Variants in CC2D2B observed in about 807,000 individuals in gnomAD.
CC2D2B encodes the protein coiled-coil and C2 domain containing 2B, also known as protein CC2D2B.
In CC2D2B, 128 loss-of-function variants were observed where a neutral mutation model predicts 161.2. That is an observed-to-expected ratio of 0.79 (90% CI 0.69 to 0.92). CC2D2B has a LOEUF of 0.92. Among genes scored for constraint, CC2D2B ranks in the 40% least tolerant of loss-of-function variants. The probability of loss-of-function intolerance (pLI) is 0.00; values close to 1 mark genes in which losing one functional copy is unlikely to be tolerated. For synonymous variants in CC2D2B, 391 were observed against 449.8 expected (o/e 0.87, Z 1.65); for missense variants, 1,173 against 1,375.1 (o/e 0.85, Z 2.32).
At chr10:96,021,797 C>T (rs891311874) in intron 32 of CC2D2B, among the ~76,000 whole-genome samples, 4 of 152,166 alleles carry the variant, frequency 2.6e-5, no homozygotes, top group African/African-American at 9.7e-5. Flanking sequence ...GAGCAGTATA[C>T]AGAGTACTTC....
chr10:95,999,745 C>CTTT (rs746798457), intron 24 of CC2D2B: 101 of 175,248 alleles, frequency 5.8e-4, no homozygotes, highest in African/African-American at 2.5e-3. Context: ...GTCCAGAGGT[C>CTTT]TTTTTTTTTT....
At chr10:95,937,557 G>T (rs2075869686) in intron 6 of CC2D2B, among the ~76,000 whole-genome samples, 2 of 145,692 alleles carry the variant, frequency 1.4e-5, no homozygotes, top group African/African-American at 5.1e-5. Flanking sequence ...TGAATACCTT[G>T]TAGAAAAAAG....
chr10:96,024,808 A>C, intron 32 of CC2D2B, 45 bp from the exon 33 acceptor site: 1 of 1,172,738 alleles, frequency 8.5e-7, no homozygotes, highest in South Asian at 1.3e-5. Flanking sequence ...CTGTGATGTA[A>C]ACATGGTCTC....
chr10:96,029,241 CATATATATATATAT>C (rs56195141), intron 34 of CC2D2B, among the ~76,000 whole-genome samples: 2,668 of 67,096 alleles, frequency 0.04, 50 homozygotes, highest in Non-Finnish European at 0.043. Flanking sequence ...TTTCATGTAC[CATATATATATATAT>C]ATATATATAT....
chr10:95,995,421 C>G, intron 23 of CC2D2B, 56 bp downstream of exon 23: 2 of 867,902 alleles, frequency 2.3e-6, no homozygotes, highest in Non-Finnish European at 3.4e-6. Flanking sequence ...TTCTGAATTA[C>G]AATTGACTCT....
intron 25 of CC2D2B, among the ~76,000 whole-genome samples, chr10:96,004,561 A>G (rs1231463647): frequency 1.3e-5 from 2 of 152,238 alleles, no homozygotes; most frequent in South Asian, 2.1e-4. Flanking sequence ...ATAAACAGAA[A>G]TAGGTTACAT....
intron 22 of CC2D2B, among the ~76,000 whole-genome samples, chr10:95,993,525 T>C (rs953953778): frequency 2.0e-5 from 3 of 152,078 alleles, no homozygotes; most frequent in Non-Finnish European, 4.4e-5. Context: ...AATCTATAGT[T>C]AACATCTCTT....
At chr10:95,955,366 C>T (rs886675922) in intron 10 of CC2D2B, 28 bp from the exon 11 acceptor site, 19 of 389,576 alleles carry the variant, frequency 4.9e-5, no homozygotes. Context: ...ATAAAATATA[C>T]CGAAGAGCTC....
chr10:95,981,586 T>C (rs1006084657), intron 17 of CC2D2B, among the ~76,000 whole-genome samples: 2 of 152,202 alleles, frequency 1.3e-5, no homozygotes, highest in African/African-American at 4.8e-5. Flanking sequence ...ATTTCAATAT[T>C]GTGCATCCTG....
chr10:95,966,072 G>C (rs1263192351), intron 13 of CC2D2B, 74 bp downstream of exon 13: 3 of 745,536 alleles, frequency 4.0e-6, no homozygotes, highest in Non-Finnish European at 5.5e-6. Context: ...GTGAAATCTT[G>C]GTATTTCTAA....
chr10:95,978,481 C>T (rs983435798), intron 17 of CC2D2B, among the ~76,000 whole-genome samples: 3 of 152,142 alleles, frequency 2.0e-5, no homozygotes, highest in Non-Finnish European at 4.4e-5. Flanking sequence ...CTCAGCCTCC[C>T]GAGTAGCTGA....
intron 17 of CC2D2B, among the ~76,000 whole-genome samples, chr10:95,980,078 C>T (rs1345008843): frequency 1.3e-5 from 2 of 151,904 alleles, no homozygotes; most frequent in African/African-American, 4.8e-5. Flanking sequence ...ATTAGATAGA[C>T]AACAACCAAA....
intron 26 of CC2D2B, 42 bp downstream of exon 26, chr10:96,009,965 C>A: frequency 2.4e-6 from 3 of 1,265,670 alleles, no homozygotes; most frequent in Non-Finnish European, 3.4e-6. Flanking sequence ...GTTTTGACCT[C>A]TGGCTCATAG....
At chr10:96,025,172 T>TAAAAAAAAAAAAAAAAA (rs1564683838) in intron 33 of CC2D2B, among the ~76,000 whole-genome samples, 1 of 17,626 alleles carries the variant, frequency 5.7e-5, no homozygotes, top group African/African-American at 2.1e-4. Context: ...TATATATATA[T>TAAAAAAAAAAAAAAAAA]ATATATATAT....
At chr10:96,013,923 C>T (rs1322369487) in intron 29 of CC2D2B, 46 bp downstream of exon 29, 8 of 908,680 alleles carry the variant, frequency 8.8e-6, no homozygotes, top group Non-Finnish European at 1.1e-5. Context: ...TATAGTATTT[C>T]TTTTAAGGAA....
At chr10:95,916,954 G>A (rs1471539132) in intron 2 of CC2D2B, among the ~76,000 whole-genome samples, 1 of 151,618 alleles carries the variant, frequency 6.6e-6, no homozygotes, top group Non-Finnish European at 1.5e-5. Flanking sequence ...TTGATTTTCT[G>A]TCTGGATGAT....
intron 32 of CC2D2B, among the ~76,000 whole-genome samples, chr10:96,021,953 A>G (rs112745423): frequency 0.049 from 7,509 of 152,298 alleles, 256 homozygotes; most frequent in South Asian, 0.12. Flanking sequence ...GATTCAAGGC[A>G]ATTCACACTA....
intron 2 of CC2D2B, among the ~76,000 whole-genome samples, chr10:95,916,232 G>A (rs2098516128): frequency 6.6e-6 from 1 of 152,010 alleles, no homozygotes; most frequent in Non-Finnish European, 1.5e-5. Context: ...AATTTCTGCA[G>A]TATCAGCTAT....
chr10:95,993,403 G>A (rs1304049385), intron 22 of CC2D2B, among the ~76,000 whole-genome samples: 1 of 152,068 alleles, frequency 6.6e-6, no homozygotes, highest in East Asian at 1.9e-4. Context: ...AAGAATGTTA[G>A]GCATTCCCCT....
Sources: allele counts gnomAD v4.1 joint callset (sites outside exome capture counted in the v4.1 genomes callset), GRCh38; gene constraint gnomAD v4.1.1; transcripts MANE v1.5; gene names NCBI Gene and HGNC (gene_info 2026-07-23, HGNC 2026-07-21).